PTER: variants seen among roughly 807,000 people sequenced by gnomAD.
The protein encoded by PTER is N-acetyltaurine hydrolase.
In PTER, 38 loss-of-function variants were observed where a neutral mutation model predicts 29.6. The observed-to-expected ratio is 1.28, with a 90% CI of 0.99 to 1.68. The LOEUF (loss-of-function observed/expected upper bound fraction) is 1.68. Ranked by LOEUF, PTER falls within the 40% of genes most tolerant of loss-of-function variation. The pLI, the probability that PTER is intolerant of heterozygous loss-of-function variation, is 0.00. For synonymous variants in PTER, 172 were observed against 154.5 expected (o/e 1.11, Z -0.84); for missense variants, 482 against 427.8 (o/e 1.13, Z -1.12).
chr10:16,469,077 T>C (rs60196845), intron 1 of PTER, among the ~76,000 whole-genome samples: 1 of 152,010 alleles, frequency 6.6e-6, no homozygotes, highest in African/African-American at 2.4e-5. Flanking sequence ...CCTGTATTGC[T>C]TGAGCAACAA....
rs181617397 is a variant in PTER at position 16,492,370 on chromosome 10, T to C, written c.698+5753T>C. On this transcript the variant is annotated intron_variant, in intron 3 of 4. Transcript: ENST00000535784. Reference sequence around the variant, plus strand: ...TCTGCCTTTCAATCACTTACTATAATTTTACTACCTGTTAAAACTCTACCC... The same window carrying C: ...TCTGCCTTTCAATCACTTACTATAACTTTACTACCTGTTAAAACTCTACCC... Among the ~76,000 whole-genome samples the C allele has an allele frequency of 3.0e-3, 464 of 152,270 alleles. 2 individuals are homozygous for C. The highest frequency in any genetic ancestry group is 0.011 in the African/African-American group (445 of 41,528).
In PTER at chr10:16,451,800, G is replaced by A. The variant is rs139865982; in HGVS notation, c.-49+14753G>A. On this transcript the variant is annotated intron_variant, in intron 1 of 4. Coordinates refer to ENST00000535784, the MANE Select transcript of PTER (RefSeq NM_001261836.2). ...TCTATATATCTGATGTGTTGGGAGG[G>A]TTATTACCCCCCAGAAAAGGATTTC... 3.6e-3 allele frequency among the ~76,000 whole-genome samples: 550 copies of A among 152,074 alleles called. 6 individuals carry two copies. The highest frequency in any genetic ancestry group is 0.012 in the African/African-American group (513 of 41,406).
chr10:16,480,886 A>G (rs1017218454), intron 1 of PTER, among the ~76,000 whole-genome samples: 1 of 152,226 alleles, frequency 6.6e-6, no homozygotes, highest in Non-Finnish European at 1.5e-5. Context: ...TGGTTTTAGA[A>G]TACACATATT....
intron 1 of PTER, among the ~76,000 whole-genome samples, chr10:16,451,682 A>G (rs955820515): frequency 6.6e-6 from 1 of 152,206 alleles, no homozygotes; most frequent in Non-Finnish European, 1.5e-5. Flanking sequence ...ACTGCACTCC[A>G]GCCTGCACAA....
downstream of PTER, among the ~76,000 whole-genome samples, chr10:16,515,017 C>T (rs1445999925): frequency 2.0e-5 from 3 of 152,082 alleles, no homozygotes; most frequent in Non-Finnish European, 2.9e-5. Flanking sequence ...CTAACTCCTT[C>T]GATCCCTATG....
intron 1 of PTER, among the ~76,000 whole-genome samples, chr10:16,479,000 T>G (rs1467701588): frequency 6.6e-6 from 1 of 152,132 alleles, no homozygotes; most frequent in Non-Finnish European, 1.5e-5. Flanking sequence ...CACTGTCACT[T>G]CCTGGGTTCG....
At chr10:16,483,288 T>A (rs368372263) in intron 1 of PTER, among the ~76,000 whole-genome samples, 2 of 152,334 alleles carry the variant, frequency 1.3e-5, no homozygotes, top group African/African-American at 4.8e-5. Flanking sequence ...GCTTTCATTA[T>A]GGCTAAGAAT....
intron 1 of PTER, among the ~76,000 whole-genome samples, chr10:16,476,566 C>CT (rs1182146502): frequency 6.6e-6 from 1 of 152,000 alleles, no homozygotes; most frequent in Non-Finnish European, 1.5e-5. Flanking sequence ...GTTTTGGGTT[C>CT]TTCTTTTTTA....
chr10:16,497,080 G>A (rs528905713), intron 3 of PTER, among the ~76,000 whole-genome samples: 2 of 151,986 alleles, frequency 1.3e-5, no homozygotes, highest in African/African-American at 2.4e-5. Context: ...GATTACAGGT[G>A]CCTGCCACCA....
chr10:16,442,577 C>T lies in PTER; in HGVS notation c.-49+5530C>T, dbSNP rs568334336. Among the ~76,000 whole-genome samples the T allele has an allele frequency of 1.3e-4, 20 of 152,260 alleles. 1 individual carries two copies. The South Asian group carries it at 4.1e-3, about 32-fold the overall frequency. On this transcript the variant is annotated intron_variant, in intron 1 of 4. Transcript: ENST00000535784. ...TTGAGCTCAGGAGTTCAAGACCAGCCTGGGCAACAGTGAGACTCCCATCTC... is the reference window on the plus strand; with the variant it reads ...TTGAGCTCAGGAGTTCAAGACCAGCTTGGGCAACAGTGAGACTCCCATCTC...
In PTER at chr10:16,482,355, C is replaced by A. The variant is rs137889811; in HGVS notation, c.-48-1982C>A. Among the ~76,000 whole-genome samples the A allele has an allele frequency of 2.5e-3, 385 of 152,246 alleles. 2 individuals carry two copies. Among genetic ancestry groups the A allele is most frequent in the African/African-American group, 8.5e-3 (355 of 41,556 alleles). ...TCCCCTTTGTTCCCCCAAATCATCT[C>A]CCCTCTCATCAGCCACTTTCTCTGA... On this transcript the variant is annotated intron_variant, in intron 1 of 4. Transcript: ENST00000535784.
chr10:16,478,420 G>A (rs1220723678), intron 1 of PTER, among the ~76,000 whole-genome samples: 1 of 147,040 alleles, frequency 6.8e-6, no homozygotes, highest in Non-Finnish European at 1.5e-5. Context: ...TGCAACCTCC[G>A]CCTCCCGGGT....
chr10:16,446,057 G>A (rs17138622), intron 1 of PTER, among the ~76,000 whole-genome samples: 18,167 of 152,104 alleles, frequency 0.12, 1,649 homozygotes, highest in African/African-American at 0.24. Flanking sequence ...CTGTGTGCCA[G>A]ATATTTCGGA....
chr10:16,469,888 T>C (rs956334546), intron 1 of PTER, among the ~76,000 whole-genome samples: 1 of 140,064 alleles, frequency 7.1e-6, no homozygotes, highest in African/African-American at 3.0e-5. Context: ...CTGTTTTTTT[T>C]GTTTGTTTTT....
chr10:16,483,035 G>A (rs1289368209), intron 1 of PTER, among the ~76,000 whole-genome samples: 3 of 152,132 alleles, frequency 2.0e-5, no homozygotes, highest in African/African-American at 7.2e-5. Flanking sequence ...TCCCACCTCA[G>A]CCTCCCAAAA....
chr10:16,497,260 A>T (rs1460160926), intron 3 of PTER, among the ~76,000 whole-genome samples: 1 of 152,182 alleles, frequency 6.6e-6, no homozygotes, highest in South Asian at 2.1e-4. Flanking sequence ...CTTGATCCCT[A>T]CCAACATTTG....
chr10:16,459,342 A>G (rs560148288), intron 1 of PTER, among the ~76,000 whole-genome samples: 4 of 152,308 alleles, frequency 2.6e-5, no homozygotes, highest in African/African-American at 9.6e-5. Flanking sequence ...TACTCTGCAT[A>G]TATCAGTTAC....
intron 3 of PTER, among the ~76,000 whole-genome samples, chr10:16,498,454 G>A (rs1260013707): frequency 2.0e-5 from 3 of 152,074 alleles, no homozygotes; most frequent in Admixed American, 2.0e-4. Flanking sequence ...GTGGTGGTGG[G>A]CACTTGTAAT....
In PTER at chr10:16,484,560, G is replaced by A. The variant is rs779260552; in HGVS notation, c.176G>A (p.Trp59Ter). ...CCTATCGTGATGAAAAATTTATATT[G>A]GATTCAGAAAAACGCCTATTCCCAT... ...KEPIVMKNLY[W>*]IQKNAYSHKE... Residue 59 changes from tryptophan to a stop codon, truncating the protein, a stop_gained, in exon 2 of 5, where the codon TGG becomes TAG. Transcript: ENST00000535784. LOFTEE classifies it high-confidence loss of function. The A allele has an allele frequency of 6.2e-7, 1 of 1,613,854 alleles. No homozygotes were observed. Among genetic ancestry groups the A allele is most frequent in the Admixed American group, 1.7e-5 (1 of 59,978 alleles).
Sources: allele counts gnomAD v4.1 joint callset (sites outside exome capture counted in the v4.1 genomes callset), GRCh38; gene constraint gnomAD v4.1.1; transcripts MANE v1.5; gene names NCBI Gene and HGNC (gene_info 2026-07-23, HGNC 2026-07-21).